Variants in NUP43 observed in about 807,000 individuals in gnomAD.
NUP43 encodes nucleoporin 43, also known as nucleoporin Nup43.
NUP43 carries 32 observed loss-of-function variants against 47.3 expected under a neutral mutation model. That is an observed-to-expected ratio of 0.68 (90% CI 0.51 to 0.91). The LOEUF is 0.91. Among genes scored for constraint, NUP43 ranks in the 40% least tolerant of loss-of-function variants. The probability of loss-of-function intolerance (pLI) is 0.00; values close to 1 mark genes in which losing one functional copy is unlikely to be tolerated. For missense variants in NUP43, 444 were observed against 453.9 expected (o/e 0.98, Z 0.20); for synonymous variants, 147 against 158.4 (o/e 0.93, Z 0.54).
chr6:149,743,525 G>A, intron 3 of NUP43, 113 bp downstream of exon 3: 2 of 613,834 alleles, frequency 3.3e-6, no homozygotes, highest in South Asian at 1.9e-5. Context: ...AACTCAGAAG[G>A]TGGAGGCTGC....
Position 149,726,922 on chromosome 6 carries a change from A to C in NUP43, c.*47T>G. On this transcript the variant is annotated 3_prime_UTR_variant, in exon 8 of 8. Coordinates refer to ENST00000340413, the MANE Select transcript of NUP43 (RefSeq NM_198887.3). The stretch of plus-strand genomic sequence containing the variant: ...AATTTTGCACAGAAGTTGGATTTCA[A>C]AAGGCTAATTGCATGTTCTATCTGA... 6.8e-7 allele frequency: 1 copy of C among 1,477,352 alleles called. No homozygotes were observed. Among genetic ancestry groups the C allele is most frequent in the Admixed American group, 1.8e-5 (1 of 56,498 alleles). 91.5% of individuals were successfully genotyped at this position (1,477,352 alleles called of 1,614,324 possible). A position where few individuals can be genotyped will look rare whatever the true frequency, so the allele number is the denominator to read the frequency against.
chr6:149,727,203 G>T lies in NUP43; in HGVS notation c.914-5C>A. On this transcript the variant is annotated splice_region_variant and splice_polypyrimidine_tract_variant and intron_variant, in intron 7 of 7. Coordinates refer to ENST00000340413, the MANE Select transcript of NUP43 (RefSeq NM_198887.3). The stretch of plus-strand genomic sequence containing the variant: ...AAAAAGTACTGCTTCTTCCTCCTGG[G>T]AGAAAAAAAGAAAAGGAAGAAATCT... 1 of 1,605,472 alleles carries T rather than the reference G, an allele frequency of 6.2e-7. No homozygotes were observed. Among genetic ancestry groups the T allele is most frequent in the South Asian group, 1.1e-5 (1 of 89,822 alleles).
At position 149,743,841 on chromosome 6, in the gene NUP43, T is replaced by A. The variant is rs1572229; in HGVS notation, c.244-126A>T. 252,512 of 599,864 alleles carry A rather than the reference T, an allele frequency of 0.42. 56,906 individuals are homozygous for A. The highest frequency in any genetic ancestry group is 0.77 in the East Asian group (26,822 of 34,956). The allele number at this position is 599,864 out of a possible 1,614,324, so 37.2% of individuals were successfully genotyped here. On this transcript the variant is annotated intron_variant, in intron 2 of 7. Transcript: ENST00000340413. ...TTAAAAAGCAAAGAGCCATGAGTGC[T>A]AAGGAAATAAAATGTGTTAATGAAG...
Position 149,726,396 on chromosome 6 carries a change from C to CA in NUP43, c.*572dup, listed in dbSNP as rs11305807. Reference sequence around the variant, plus strand: ...ACTCCAGCAGAGCAAGACTCTGCCTCAAAAAAAAAAAAAAAAAAAAATTGA... The same window carrying CA: ...ACTCCAGCAGAGCAAGACTCTGCCTCAAAAAAAAAAAAAAAAAAAAAATTGA... On this transcript the variant is annotated 3_prime_UTR_variant, in exon 8 of 8. Transcript: ENST00000340413. The CA allele has an allele frequency of 0.057, 5,428 of 94,414 alleles. 172 individuals carry two copies. The highest frequency in any genetic ancestry group is 0.088 in the Middle Eastern group (17 of 194). The allele number at this position is 94,414 out of a possible 1,614,324, so 5.8% of individuals were successfully genotyped here. A position where few individuals can be genotyped will look rare whatever the true frequency, so the allele number is the denominator to read the frequency against.
intron 6 of NUP43, among the ~76,000 whole-genome samples, chr6:149,734,988 A>G (rs1785249093): frequency 6.6e-6 from 1 of 152,096 alleles, no homozygotes; most frequent in Non-Finnish European, 1.5e-5. Context: ...ACATTTATTA[A>G]CAAATATGAC....
intron 5 of NUP43, among the ~76,000 whole-genome samples, chr6:149,737,550 C>T (rs940595549): frequency 6.6e-6 from 1 of 152,146 alleles, no homozygotes; most frequent in African/African-American, 2.4e-5. Flanking sequence ...AGGCATGAGT[C>T]ACCATGCTCA....
At position 149,736,492 on chromosome 6, in the gene NUP43, G is replaced by T. The variant is rs202038635; in HGVS notation, c.769C>A (p.Leu257Met). ...TTACTTTCAGCTTCATGAGCCTTCA[G>T]CAGAGATACAGGCATAGTACCTTGT... The part of the protein sequence containing the change: ...VRQGTMPVSL[L>M]KAHEAEMWEV... Residue 257 changes from leucine (L) to methionine (M), a missense_variant, in exon 6 of 8, where the codon CTG becomes ATG. Coordinates refer to ENST00000340413, the MANE Select transcript of NUP43 (RefSeq NM_198887.3). 6.9e-6 allele frequency: 11 copies of T among 1,588,246 alleles called. No homozygotes were observed. The highest frequency in any genetic ancestry group is 8.6e-6 in the Non-Finnish European group (10 of 1,159,386).
At chr6:149,747,513 C>G (rs554581185), upstream of NUP43, among the ~76,000 whole-genome samples, 3 of 149,540 alleles carry the variant, frequency 2.0e-5, no homozygotes, top group Admixed American at 2.0e-4. Context: ...GTCTCGAACT[C>G]TTGACCTCAG....
chr6:149,744,821 A>AC, intron 2 of NUP43, among the ~76,000 whole-genome samples: 1 of 151,900 alleles, frequency 6.6e-6, no homozygotes, highest in East Asian at 1.9e-4. Context: ...GGGTGACAGT[A>AC]TAAGACTTCG....
rs769795094 is a variant in NUP43 at position 149,726,815 on chromosome 6, T to C, written c.*154A>G. ...CTACAACTGTTTGGGAGTGTCAGGC[T>C]AACAAAAGTCAAAACTGGGCATTGA... On this transcript the variant is annotated 3_prime_UTR_variant, in exon 8 of 8. Transcript: ENST00000340413. 49 of 631,462 alleles carry C rather than the reference T, an allele frequency of 7.8e-5. No homozygotes were observed. Among genetic ancestry groups the C allele is most frequent in the Non-Finnish European group, 1.3e-4 (45 of 355,936 alleles). The allele number at this position is 631,462 out of a possible 1,614,324, so 39.1% of individuals were successfully genotyped here.
intron 6 of NUP43, among the ~76,000 whole-genome samples, chr6:149,733,269 C>G (rs1455872017): frequency 6.6e-6 from 1 of 152,092 alleles, no homozygotes; most frequent in African/African-American, 2.4e-5. Flanking sequence ...TGACTTCTAC[C>G]AAACCAAAAT....
chr6:149,728,375 A>G (rs113355952), intron 7 of NUP43: 8 of 982,476 alleles, frequency 8.1e-6, no homozygotes, highest in African/African-American at 7.0e-5. Flanking sequence ...AACGAAGTAC[A>G]TACTTAGTTA....
rs770093460 is a variant in NUP43, at chr6:149,742,381, T to G, written c.502+9A>C. On this transcript the variant is annotated intron_variant, in intron 4 of 7. Coordinates refer to ENST00000340413, the MANE Select transcript of NUP43 (RefSeq NM_198887.3). ...TTCGCCATGTTGGCCAGGCTGGGAT[T>G]TTTCTTACCTATGGTTCTTACAGCT... is the stretch of plus-strand genomic sequence containing the variant. The G allele has an allele frequency of 1.2e-6, 2 of 1,613,186 alleles. No homozygotes were observed. Among genetic ancestry groups the G allele is most frequent in the South Asian group, 2.2e-5 (2 of 91,054 alleles).
In NUP43 at chr6:149,746,509, G is replaced by A. The variant is rs202157440; in HGVS notation, c.-14C>T. On this transcript the variant is annotated 5_prime_UTR_variant, in exon 1 of 8. Transcript: ENST00000340413. ...AATTTCCTCCATGCCGAAAGCGGCC[G>A]CAGCAGGTACTGCAAAAAGCAAGCA... 2.6e-5 allele frequency: 42 copies of A among 1,614,020 alleles called. No individual in the cohort carries two copies. In the Middle Eastern group the frequency reaches 4.9e-4, roughly 19 times the overall value.
chr6:149,744,956 A>G (rs918975873), intron 2 of NUP43, among the ~76,000 whole-genome samples: 14 of 150,106 alleles, frequency 9.3e-5, no homozygotes, highest in Non-Finnish European at 1.9e-4. Flanking sequence ...TTGTTGCCCA[A>G]GCTGGCGCAC....
At position 149,746,234 on chromosome 6, in the gene NUP43, G is replaced by A. The variant is rs1438967248; in HGVS notation, c.120+142C>T. ...GCCATCACCGGCTCTGAGCTACGGA[G>A]CAACCGCGCCTGAGACAGGGGTCCG... On this transcript the variant is annotated intron_variant, in intron 1 of 7. Transcript: ENST00000340413. 5.1e-6 allele frequency: 7 copies of A among 1,377,404 alleles called. No individual in the cohort carries two copies. In the African/African-American group the frequency reaches 1.0e-4, roughly 20 times the overall value. The allele number at this position is 1,377,404 out of a possible 1,614,324, so 85.3% of individuals were successfully genotyped here. A position where few individuals can be genotyped will look rare whatever the true frequency, so the allele number is the denominator to read the frequency against.
In NUP43 at chr6:149,727,786, T is replaced by C. The variant is rs960420750; in HGVS notation, c.914-588A>G. On this transcript the variant is annotated intron_variant, in intron 7 of 7. Coordinates refer to ENST00000340413, the MANE Select transcript of NUP43 (RefSeq NM_198887.3). ...CTACTAGATTATAAGGTTTTATCTCTAACAGCGCACTGTACTTACTATAGA... is the reference window on the plus strand; with the variant it reads ...CTACTAGATTATAAGGTTTTATCTCCAACAGCGCACTGTACTTACTATAGA... 35 of 984,220 alleles carry C rather than the reference T, an allele frequency of 3.6e-5. No individual in the cohort carries two copies. The African/African-American group carries it at 5.6e-4, about 16-fold the overall frequency. 61.0% of individuals were successfully genotyped at this position (984,220 alleles called of 1,614,324 possible).
intron 7 of NUP43, chr6:149,727,420 C>T (rs187917690): frequency 1.1e-5 from 11 of 983,688 alleles, no homozygotes; most frequent in African/African-American, 8.8e-5. Context: ...ATACCAAACT[C>T]GAAGTCTTCA....
At chr6:149,729,042 G>C (rs886552215) in intron 7 of NUP43, among the ~76,000 whole-genome samples, 9 of 151,960 alleles carry the variant, frequency 5.9e-5, no homozygotes, top group Admixed American at 5.9e-4. Context: ...CCAGGCTGGA[G>C]TGCAGTGGCG....
Sources: allele counts gnomAD v4.1 joint callset (sites outside exome capture counted in the v4.1 genomes callset), GRCh38; gene constraint gnomAD v4.1.1; transcripts MANE v1.5; gene names NCBI Gene and HGNC (gene_info 2026-07-23, HGNC 2026-07-21).